The following INTS9 variants were observed in gnomAD, a reference collection of about 807,000 sequenced individuals.
The protein encoded by INTS9 is protein related to CPSF subunits of 74 kDa.
INTS9 carries 55 observed loss-of-function variants against 79.7 expected under a neutral mutation model. The ratio of observed to expected loss-of-function variants is 0.69; its 90% CI spans 0.56 to 0.86. The LOEUF is 0.86. Among genes scored for constraint, INTS9 ranks in the 40% least tolerant of loss-of-function variants. The pLI, the probability that INTS9 is intolerant of heterozygous loss-of-function variation, is 0.00. For synonymous variants in INTS9, 319 were observed against 325.2 expected, an observed-to-expected ratio of 0.98 and a Z score of 0.20; for missense variants, 721 against 831.5, an observed-to-expected ratio of 0.87 and a Z score of 1.64.
chr8:28,786,133 C>T (rs1044703031), intron 11 of INTS9, among the ~76,000 whole-genome samples: 3 of 152,030 alleles, frequency 2.0e-5, no homozygotes, highest in African/African-American at 7.3e-5. Flanking sequence ...ATCTTTCACT[C>T]ACATTATGTT....
chr8:28,828,348 G>A (rs1435985754), intron 6 of INTS9, among the ~76,000 whole-genome samples: 1 of 152,224 alleles, frequency 6.6e-6, no homozygotes, highest in Non-Finnish European at 1.5e-5. Flanking sequence ...AGCAGATTAT[G>A]TAAGCCACGT....
chr8:28,839,158 A>G (rs1439434773), intron 4 of INTS9, among the ~76,000 whole-genome samples: 3 of 152,224 alleles, frequency 2.0e-5, no homozygotes, highest in Admixed American at 2.0e-4. Context: ...GATGATGTAG[A>G]GAGCCAAATC....
chr8:28,847,640 T>TA (rs1807603519), intron 3 of INTS9, among the ~76,000 whole-genome samples: 1 of 152,228 alleles, frequency 6.6e-6, no homozygotes, highest in South Asian at 2.1e-4. Context: ...GAAATAGATA[T>TA]AGTCCAACTT....
At chr8:28,802,617 AG>A (rs1804583834) in intron 8 of INTS9, among the ~76,000 whole-genome samples, 2 of 152,332 alleles carry the variant, frequency 1.3e-5, no homozygotes, top group South Asian at 4.1e-4. Flanking sequence ...TAAGAGCTAA[AG>A]GCGTAGGATG....
chr8:28,846,792 C>T lies in INTS9; in HGVS notation c.216G>A (p.Ser72=), dbSNP rs754934813. Residue 72 remains serine, a synonymous_variant, in exon 4 of 17, where the codon TCG becomes TCA. Transcript: ENST00000521022. ...GCACAGAATCCACAAATACATGACC[C>T]GAGCACTCCTTTAGCTCCTAAAAGA... ...AFLDKELKEC[S]GHVFVDSVPE... is the part of the protein sequence containing the mutation. 14 of 1,613,230 alleles carry T rather than the reference C, an allele frequency of 8.7e-6. No individual in the cohort carries two copies. The highest frequency in any genetic ancestry group is 4.5e-5 in the East Asian group (2 of 44,876).
intron 11 of INTS9, among the ~76,000 whole-genome samples, chr8:28,786,716 T>G (rs534060199): frequency 6.6e-6 from 1 of 151,964 alleles, no homozygotes; most frequent in Non-Finnish European, 1.5e-5. Context: ...ATACTGTCAG[T>G]TTTCTTTTTT....
intron 4 of INTS9, among the ~76,000 whole-genome samples, chr8:28,845,603 T>C (rs892338670): frequency 6.6e-6 from 1 of 152,214 alleles, no homozygotes; most frequent in African/African-American, 2.4e-5. Flanking sequence ...TTGCAGTAGT[T>C]GGCGTGACAC....
rs1450393582 is a variant in INTS9, at chr8:28,849,515, A to G, written c.198+698T>C. ...CTGTTTTTTTTTTTTAATCATCTATAAAGATTGTCCATTCTAGGCTATCAG... is the reference window on the plus strand; with the variant it reads ...CTGTTTTTTTTTTTTAATCATCTATGAAGATTGTCCATTCTAGGCTATCAG... On this transcript the variant is annotated intron_variant, in intron 3 of 16. Coordinates refer to ENST00000521022, the MANE Select transcript of INTS9 (RefSeq NM_018250.4). Among the ~76,000 whole-genome samples the G allele has an allele frequency of 2.6e-5, 4 of 152,068 alleles. No individual in the cohort carries two copies. The South Asian group carries it at 8.3e-4, about 32-fold the overall frequency.
intron 15 of INTS9, 90 bp downstream of exon 15, chr8:28,770,892 C>T: frequency 1.1e-6 from 1 of 907,018 alleles, no homozygotes; most frequent in Admixed American, 2.1e-5. Context: ...CAAGAATTCA[C>T]ATGAAGCGCT....
Position 28,793,753 on chromosome 8 carries a change from G to C in INTS9, c.1037+54C>G, listed in dbSNP as rs960640229. On this transcript the variant is annotated intron_variant, in intron 10 of 16. Transcript: ENST00000521022. ...AGGATTATTTTTATTCTTACTGCTT[G>C]AATGTCCTGAATCAAATAAAATTCA... The C allele has an allele frequency of 8.2e-6, 11 of 1,339,242 alleles. No individual in the cohort carries two copies. In the Admixed American group the frequency reaches 1.2e-4, roughly 14 times the overall value. 83.0% of individuals were successfully genotyped at this position (1,339,242 alleles called of 1,614,324 possible).
intron 8 of INTS9, among the ~76,000 whole-genome samples, chr8:28,808,221 T>G (rs1804919645): frequency 6.7e-6 from 1 of 149,346 alleles, no homozygotes; most frequent in Admixed American, 6.8e-5. Flanking sequence ...TGAGACGGAG[T>G]CTCTCTCTGT....
chr8:28,813,416 G>A (rs987178095), intron 7 of INTS9, 76 bp downstream of exon 7: 1 of 1,442,790 alleles, frequency 6.9e-7, no homozygotes. Context: ...CGTAACTATA[G>A]GATTCTTCCA....
chr8:28,812,524 C>G, intron 7 of INTS9, 63 bp from the exon 8 acceptor site: 1 of 1,539,848 alleles, frequency 6.5e-7, no homozygotes, highest in East Asian at 2.3e-5. Flanking sequence ...TGAGGTAATT[C>G]TGCAGGGAAA....
At chr8:28,824,712 C>T (rs183595000) in intron 6 of INTS9, among the ~76,000 whole-genome samples, 81 of 152,268 alleles carry the variant, frequency 5.3e-4, no homozygotes, top group Admixed American at 2.4e-3. Flanking sequence ...CCATAACTCA[C>T]GACTGCCTGC....
chr8:28,774,064 C>T (rs887938735), intron 14 of INTS9, among the ~76,000 whole-genome samples: 6 of 152,304 alleles, frequency 3.9e-5, no homozygotes, highest in East Asian at 1.9e-4. Context: ...CCACCCGCCT[C>T]GGCCTCCCAC....
Position 28,777,220 on chromosome 8 carries a change from G to A in INTS9, c.1395+609C>T, listed in dbSNP as rs555901200. On this transcript the variant is annotated intron_variant, in intron 13 of 16. Transcript: ENST00000521022. ...GGAAAGGGAGAGCTCTTCCTCGCCG[G>A]TGTCAGCTGTCCTCCTTGCCAATTC... 4.6e-5 allele frequency among the ~76,000 whole-genome samples: 7 copies of A among 152,198 alleles called. No homozygotes were observed. The South Asian group carries it at 1.5e-3, about 32-fold the overall frequency.
intron 4 of INTS9, among the ~76,000 whole-genome samples, chr8:28,842,103 GAAAAGT>G (rs1264296986): frequency 6.6e-6 from 1 of 152,112 alleles, no homozygotes; most frequent in Non-Finnish European, 1.5e-5. Flanking sequence ...AAATCATAAG[GAAAAGT>G]AAATGTACTT....
chr8:28,866,425 T>C (rs1044729820), intron 1 of INTS9, among the ~76,000 whole-genome samples: 19 of 152,206 alleles, frequency 1.2e-4, no homozygotes, highest in African/African-American at 3.9e-4. Flanking sequence ...ATATCTGTAC[T>C]ATAAGGGGAG....
At chr8:28,779,248 A>G (rs1803090345) in intron 12 of INTS9, among the ~76,000 whole-genome samples, 1 of 152,156 alleles carries the variant, frequency 6.6e-6, no homozygotes, top group South Asian at 2.1e-4. Flanking sequence ...TTGTCAATCA[A>G]TATCTTGTGG....
Sources: gnomAD v4.1 joint callset for allele counts (sites outside exome capture counted in the v4.1 genomes callset) on GRCh38, gnomAD v4.1.1 for gene constraint, MANE v1.5 for transcripts, NCBI Gene and HGNC (gene_info 2026-07-23, HGNC 2026-07-21) for gene names.